DUSP10: variants seen among roughly 807,000 people sequenced by gnomAD.
DUSP10 encodes dual specificity protein phosphatase 10.
DUSP10 carries 14 observed loss-of-function variants against 30.8 expected under a neutral mutation model. The ratio of observed to expected loss-of-function variants is 0.46; its 90% CI spans 0.30 to 0.71. The LOEUF (loss-of-function observed/expected upper bound fraction) is 0.71, where lower values mean the gene tolerates loss of function less well. DUSP10 is among the 30% of genes least tolerant of loss of function. The probability of loss-of-function intolerance (pLI) is 0.08; values close to 1 mark genes in which losing one functional copy is unlikely to be tolerated. For synonymous variants in DUSP10, 254 were observed against 250.4 expected (o/e 1.01, Z -0.14); for missense variants, 550 against 619.4 (o/e 0.89, Z 1.19).
chr1:221,722,359 G>T (rs1037375022), intron 2 of DUSP10, among the ~76,000 whole-genome samples: 3 of 152,190 alleles, frequency 2.0e-5, no homozygotes, highest in Admixed American at 2.0e-4. Flanking sequence ...TGATGAATTT[G>T]CTCTCCCCCT....
rs1660716027 is a variant in DUSP10, at chr1:221,705,109, GTGT to G, written c.1183+983_1183+985del. Among the ~76,000 whole-genome samples the G allele has an allele frequency of 3.2e-5, 4 of 126,352 alleles. No individual in the cohort carries two copies. In the South Asian group the frequency reaches 8.8e-4, roughly 28 times the overall value. The allele number at this position is 126,352 out of a possible 152,430, so 82.9% of individuals were successfully genotyped here. ...AGGTGCTCCCAAAATGATATTTTGAGTGTTTTTTTTTTTTTTTGAGACAGAGTT... is the reference window on the plus strand; with the variant it reads ...AGGTGCTCCCAAAATGATATTTTGAGTTTTTTTTTTTTTTGAGACAGAGTT... On this transcript the variant is annotated intron_variant, in intron 3 of 3. Coordinates refer to ENST00000366899, the MANE Select transcript of DUSP10 (RefSeq NM_007207.6).
intron 2 of DUSP10, among the ~76,000 whole-genome samples, chr1:221,726,988 CAT>C: frequency 6.6e-6 from 1 of 152,212 alleles, no homozygotes; most frequent in East Asian, 1.9e-4. Context: ...AGCACTTCTA[CAT>C]ATGTTATCTA....
intron 2 of DUSP10, among the ~76,000 whole-genome samples, chr1:221,736,547 G>T (rs1416438321): frequency 2.6e-5 from 4 of 152,214 alleles, no homozygotes; most frequent in Non-Finnish European, 4.4e-5. Flanking sequence ...TCTGAGAGAA[G>T]TCTGCTGGTC....
At chr1:221,705,256 T>C (rs1660721377) in intron 3 of DUSP10, among the ~76,000 whole-genome samples, 1 of 151,990 alleles carries the variant, frequency 6.6e-6, no homozygotes, top group Non-Finnish European at 1.5e-5. Context: ...ATTACAGGCA[T>C]GCACCACCAC....
At chr1:221,722,421 G>A (rs1315749245) in intron 2 of DUSP10, among the ~76,000 whole-genome samples, 1 of 152,192 alleles carries the variant, frequency 6.6e-6, no homozygotes, top group East Asian at 1.9e-4. Flanking sequence ...AGAGAACACT[G>A]CCTCATAGTT....
intron 3 of DUSP10, 135 bp downstream of exon 3, chr1:221,705,960 G>C: frequency 8.3e-7 from 1 of 1,210,616 alleles, no homozygotes; most frequent in Non-Finnish European, 1.2e-6. Context: ...GGCTGTTTCA[G>C]GTGGCAGAGC....
chr1:221,738,767 T>A (rs1558128544), intron 2 of DUSP10, among the ~76,000 whole-genome samples, 167 bp downstream of exon 2: 2 of 152,016 alleles, frequency 1.3e-5, no homozygotes, highest in Non-Finnish European at 2.9e-5. Flanking sequence ...TGCTGCTGGG[T>A]TTTTCTTACT....
chr1:221,718,212 C>T (rs1358162897), intron 2 of DUSP10, among the ~76,000 whole-genome samples: 4 of 152,120 alleles, frequency 2.6e-5, no homozygotes, highest in Non-Finnish European at 5.9e-5. Context: ...GTTCCATGAA[C>T]CAGCTACATG....
At chr1:221,728,320 C>T (rs1360011193) in intron 2 of DUSP10, among the ~76,000 whole-genome samples, 2 of 152,240 alleles carry the variant, frequency 1.3e-5, no homozygotes, top group African/African-American at 4.8e-5. Flanking sequence ...CACATACTTT[C>T]ACTGTGTGAA....
intron 2 of DUSP10, among the ~76,000 whole-genome samples, chr1:221,727,964 A>G (rs1661471974): frequency 6.6e-6 from 1 of 152,200 alleles, no homozygotes. Context: ...GGGGCCTTTA[A>G]GAGGAGATTA....
chr1:221,703,031 A>G (rs1223149971), intron 3 of DUSP10, among the ~76,000 whole-genome samples: 9 of 151,934 alleles, frequency 5.9e-5, no homozygotes, highest in African/African-American at 2.2e-4. Flanking sequence ...GATCAAGTCG[A>G]CTCTAACAGT....
chr1:221,706,041 A>T lies in DUSP10; in HGVS notation c.1183+54T>A. On this transcript the variant is annotated intron_variant, in intron 3 of 3. Coordinates refer to ENST00000366899, the MANE Select transcript of DUSP10 (RefSeq NM_007207.6). The surrounding 1 kb of genome is among the most constrained non-coding windows in gnomAD (Gnocchi z 4.6). ...ACCTTGAACTTGATATCAAAGCAAG[A>T]GCTGGAGGGAAAAGGAAGGCAGCGG... The T allele has an allele frequency of 6.4e-7, 1 of 1,571,128 alleles. No homozygotes were observed. Among genetic ancestry groups the T allele is most frequent in the East Asian group, 2.2e-5 (1 of 44,548 alleles).
intron 2 of DUSP10, among the ~76,000 whole-genome samples, chr1:221,718,105 T>A: frequency 4.9e-4 from 1 of 2,034 alleles, no homozygotes; most frequent in Non-Finnish European, 1.1e-3. Context: ...GGTGGCAGGG[T>A]GGTGGGGGTG....
In DUSP10 at chr1:221,739,372, C is replaced by G; in HGVS notation, c.373G>C (p.Gly125Arg). ...NQMVNNNENT[G>R]SLSPSSGVGS... ...ACCCCACTTGATGGACTTAGAGAGCCTGTATTCTCATTATTGTTGACCATC... is the reference window on the plus strand; with the variant it reads ...ACCCCACTTGATGGACTTAGAGAGCGTGTATTCTCATTATTGTTGACCATC... The change falls in exon 2 of 4, where the codon GGC becomes CGC. Residue 125 changes from glycine (G) to arginine (R), a missense_variant. By Grantham distance (125) the Gly-to-Arg change is moderately radical. Transcript: ENST00000366899. 1 of 1,614,100 alleles carries G rather than the reference C, an allele frequency of 6.2e-7. No individual in the cohort carries two copies. The highest frequency in any genetic ancestry group is 8.5e-7 in the Non-Finnish European group (1 of 1,179,988).
At chr1:221,716,378 C>A (rs940820981) in intron 2 of DUSP10, among the ~76,000 whole-genome samples, 1 of 152,194 alleles carries the variant, frequency 6.6e-6, no homozygotes, top group African/African-American at 2.4e-5. Context: ...TAGTTGACTT[C>A]AAGTCAGTCC....
Position 221,738,941 on chromosome 1 carries a change from C to T in DUSP10, c.804G>A (p.Val268=). 3 of 1,606,756 alleles carry T rather than the reference C, an allele frequency of 1.9e-6. No homozygotes were observed. The highest frequency in any genetic ancestry group is 2.6e-6 in the Non-Finnish European group (3 of 1,176,028). The stretch of plus-strand genomic sequence containing the variant: ...AGGGAGCAGGGGCATTACCTTTCAA[C>T]ACCAGAGGTTCTTTGCCTTCTCTCT... ...SLKREGKEPL[V]LKGGLSSFKQ... is the part of the protein sequence containing the mutation. Residue 268 remains valine (V), a synonymous_variant, in exon 2 of 4, where the codon GTG becomes GTA. Coordinates refer to ENST00000366899, the MANE Select transcript of DUSP10 (RefSeq NM_007207.6).
intron 2 of DUSP10, chr1:221,737,264 C>T: frequency 1.0e-6 from 1 of 985,412 alleles, no homozygotes; most frequent in Non-Finnish European, 1.2e-6. Context: ...TTATCATGAA[C>T]ACCTGCTCTG....
At chr1:221,710,993 G>C (rs894669116) in intron 2 of DUSP10, among the ~76,000 whole-genome samples, 1 of 152,170 alleles carries the variant, frequency 6.6e-6, no homozygotes, top group Admixed American at 6.5e-5. Context: ...TCAAAAGTAG[G>C]TTCTCTGCCA....
rs193120202 is a variant in DUSP10 at position 221,734,727 on chromosome 1, T to C, written c.811+4207A>G. On this transcript the variant is annotated intron_variant, in intron 2 of 3. Coordinates refer to ENST00000366899, the MANE Select transcript of DUSP10 (RefSeq NM_007207.6). ...GCATTCAGGCTGACTAGATCCGAAG[T>C]TCTGCCTTGATTTCTCCATCATTTG... 2.6e-5 allele frequency among the ~76,000 whole-genome samples: 4 copies of C among 152,316 alleles called. No homozygotes were observed. In the East Asian group the frequency reaches 7.7e-4, roughly 29 times the overall value.
Sources: allele counts gnomAD v4.1 joint callset (sites outside exome capture counted in the v4.1 genomes callset), GRCh38; gene constraint gnomAD v4.1.1; non-coding constraint Gnocchi (gnomAD v3.1); transcripts MANE v1.5; gene names NCBI Gene and HGNC (gene_info 2026-07-23, HGNC 2026-07-21).